Variants in IVD observed in about 807,000 individuals in gnomAD.
IVD encodes the protein isovaleryl-CoA dehydrogenase.
Under a neutral mutation model 51.3 loss-of-function variants are expected in IVD, and 31 were observed. The observed-to-expected ratio is 0.60, with a 90% CI of 0.45 to 0.81. The LOEUF (loss-of-function observed/expected upper bound fraction) is 0.81. Ranked by LOEUF, IVD falls within the 40% of genes least tolerant of loss-of-function variation. The probability of loss-of-function intolerance (pLI) is 0.00; values close to 1 mark genes in which losing one functional copy is unlikely to be tolerated. For synonymous variants in IVD, 205 were observed against 219.4 expected (o/e 0.93, Z 0.58); for missense variants, 475 against 552.0 (o/e 0.86, Z 1.40).
At chr15:40,429,732 A>T (rs2141426277) in intron 7 of IVD, among the ~76,000 whole-genome samples, 1 of 152,308 alleles carries the variant, frequency 6.6e-6, no homozygotes, top group South Asian at 2.1e-4. Flanking sequence ...AGGAGTGGGC[A>T]GGGGGGAATC....
chr15:40,415,930 C>G (rs942997036), intron 9 of IVD, 148 bp from the exon 10 acceptor site: 9 of 743,682 alleles, frequency 1.2e-5, no homozygotes, highest in Non-Finnish European at 1.9e-5. Flanking sequence ...CCACACCTGC[C>G]CCCATCTCCA....
chr15:40,433,558 C>A (rs1893101054), intron 7 of IVD, among the ~76,000 whole-genome samples: 1 of 152,124 alleles, frequency 6.6e-6, no homozygotes, highest in Non-Finnish European at 1.5e-5. Flanking sequence ...AAGTCATACT[C>A]CAAGTTGATA....
intron 7 of IVD, among the ~76,000 whole-genome samples, chr15:40,432,621 G>A (rs1566952910): frequency 6.6e-6 from 1 of 152,268 alleles, no homozygotes; most frequent in Non-Finnish European, 1.5e-5. Context: ...GACTAGAGAG[G>A]TCAGTGGCTG....
At chr15:40,416,211 C>T (rs772925041) in intron 10 of IVD, 29 bp downstream of exon 10, 14 of 1,612,158 alleles carry the variant, frequency 8.7e-6, no homozygotes, top group African/African-American at 2.7e-5. Flanking sequence ...CGGGGAGAGG[C>T]GGGGGCAGTG....
downstream of IVD, among the ~76,000 whole-genome samples, chr15:40,421,979 A>C (rs1595810312): frequency 1.3e-5 from 2 of 151,586 alleles, no homozygotes; most frequent in South Asian, 2.1e-4. Flanking sequence ...ATCTGTCGCG[A>C]CCCCCAGCCT....
At chr15:40,427,788 A>G (rs1201776821), downstream of IVD, among the ~76,000 whole-genome samples, 1 of 152,238 alleles carries the variant, frequency 6.6e-6, no homozygotes, top group Non-Finnish European at 1.5e-5. Context: ...GATGTCCTTC[A>G]TAACTGGCCT....
downstream of IVD, among the ~76,000 whole-genome samples, chr15:40,428,425 G>A (rs936707508): frequency 1.3e-5 from 2 of 152,122 alleles, no homozygotes; most frequent in Admixed American, 6.5e-5. Flanking sequence ...CTTTGAGGCT[G>A]GAGAAGCAGG....
intron 11 of IVD, 35 bp downstream of exon 11, chr15:40,416,397 C>T (rs1891688116): frequency 1.3e-6 from 2 of 1,596,816 alleles, no homozygotes; most frequent in African/African-American, 2.7e-5. Flanking sequence ...CCGGGGCTCC[C>T]TCACTCCTGG....
At position 40,411,325 on chromosome 15, in the gene IVD, C is replaced by G. The variant is rs962667792; in HGVS notation, c.522C>G (p.Val174=). Residue 174 remains valine, a synonymous_variant, in exon 5 of 12, where the codon GTC becomes GTG. Coordinates refer to ENST00000487418, the MANE Select transcript of IVD (RefSeq NM_002225.5). Reference sequence around the variant, plus strand: ...AGCCCAATGCAGGCTCTGATGTTGTCTCTATGAAGCTCAAAGCGGAAAAGA... The same window carrying G: ...AGCCCAATGCAGGCTCTGATGTTGTGTCTATGAAGCTCAAAGCGGAAAAGA... The part of the protein sequence containing the change: ...MSEPNAGSDV[V]SMKLKAEKKG... 4 of 1,614,012 alleles carry G rather than the reference C, an allele frequency of 2.5e-6. No homozygotes were observed. The highest frequency in any genetic ancestry group is 3.4e-6 in the Non-Finnish European group (4 of 1,180,034).
At chr15:40,423,059 C>G (rs1438007217), downstream of IVD, among the ~76,000 whole-genome samples, 2 of 151,444 alleles carry the variant, frequency 1.3e-5, no homozygotes, top group Admixed American at 1.3e-4. Context: ...CCACCCCCAG[C>G]CCCCCAGTAG....
At chr15:40,425,728 G>A (rs989256702), downstream of IVD, among the ~76,000 whole-genome samples, 3 of 152,016 alleles carry the variant, frequency 2.0e-5, no homozygotes, top group East Asian at 5.8e-4. Flanking sequence ...TCATCATGTC[G>A]CCCAGGCTGG....
Position 40,407,952 on chromosome 15 carries a change from A to T in IVD, c.248A>T (p.Gln83Leu). 6.2e-7 allele frequency: 1 copy of T among 1,614,158 alleles called. No homozygotes were observed. Among genetic ancestry groups the T allele is most frequent in the African/African-American group, 1.3e-5 (1 of 75,062 alleles). ...TTCTGTTGGCAGGAATTTTGGAAGC[A>T]GCTGGGGAACCTGGGCGTATTGGGC... ...EFKNLREFWKQLGNLGVLGIT... is the reference protein window; with the variant it reads ...EFKNLREFWKLLGNLGVLGIT... Residue 83 changes from glutamine (Q) to leucine (L), a missense_variant, in exon 3 of 12, where the codon CAG (glutamine) becomes CTG (leucine). Coordinates refer to ENST00000487418, the MANE Select transcript of IVD (RefSeq NM_002225.5).
intron 3 of IVD, among the ~76,000 whole-genome samples, chr15:40,408,749 G>A (rs866303595): frequency 2.6e-5 from 4 of 152,064 alleles, no homozygotes; most frequent in Admixed American, 6.5e-5. Flanking sequence ...TCGTGAGTTC[G>A]AGACCAGCCT....
chr15:40,412,536 T>C (rs1304847669), intron 6 of IVD: 1 of 213,878 alleles, frequency 4.7e-6, no homozygotes, highest in Non-Finnish European at 9.5e-6. Flanking sequence ...ACTTTGCTGG[T>C]CACTTGCCAA....
Position 40,411,544 on chromosome 15 carries a change from C to T in IVD, c.551-11C>T. 6.2e-7 allele frequency: 1 copy of T among 1,614,206 alleles called. No homozygotes were observed. The highest frequency in any genetic ancestry group is 8.5e-7 in the Non-Finnish European group (1 of 1,180,030). On this transcript the variant is annotated splice_polypyrimidine_tract_variant and intron_variant, in intron 5 of 11. Coordinates refer to ENST00000487418, the MANE Select transcript of IVD (RefSeq NM_002225.5). Reference sequence around the variant, plus strand: ...GATGGCTTGAGCAAATAGCCAACATCCTGCCCTTAGGAAATCACTACATCC... The same window carrying T: ...GATGGCTTGAGCAAATAGCCAACATTCTGCCCTTAGGAAATCACTACATCC...
chr15:40,414,503 C>T (rs1891437068), intron 7 of IVD: 1 of 303,744 alleles, frequency 3.3e-6, no homozygotes. Flanking sequence ...TGGACCAGAG[C>T]TGACTCCACC....
At chr15:40,409,835 C>CTTTTTT (rs11365500) in intron 3 of IVD, among the ~76,000 whole-genome samples, 2 of 131,722 alleles carry the variant, frequency 1.5e-5, no homozygotes. Flanking sequence ...CTGCTTCTTT[C>CTTTTTT]TTTTTTTTTT....
At chr15:40,429,819 T>C (rs982230935) in intron 7 of IVD, among the ~76,000 whole-genome samples, 2 of 152,258 alleles carry the variant, frequency 1.3e-5, no homozygotes, top group Non-Finnish European at 2.9e-5. Context: ...GGCCGCAGCC[T>C]CTAGCTTCTC....
In IVD at chr15:40,420,837, C is replaced by T. The variant is rs1892234335; in HGVS notation, c.*2574C>T. Reference sequence around the variant, plus strand: ...GCTTTGGGCCGCACTGTACAGCAGTCTGGATAGAGTGTGATCTGAGAAGGG... The same window carrying T: ...GCTTTGGGCCGCACTGTACAGCAGTTTGGATAGAGTGTGATCTGAGAAGGG... On this transcript the variant is annotated 3_prime_UTR_variant, in exon 12 of 12. Transcript: ENST00000487418. 1.0e-6 allele frequency: 1 copy of T among 985,532 alleles called. No homozygotes were observed. The highest frequency in any genetic ancestry group is 1.2e-6 in the Non-Finnish European group (1 of 829,978). The allele number at this position is 985,532 out of a possible 1,614,324, so 61.0% of individuals were successfully genotyped here.
Sources: gnomAD v4.1 joint callset for allele counts (sites outside exome capture counted in the v4.1 genomes callset) on GRCh38, gnomAD v4.1.1 for gene constraint, MANE v1.5 for transcripts, NCBI Gene and HGNC (gene_info 2026-07-23, HGNC 2026-07-21) for gene names.